The following NXPE1 variants were observed in gnomAD, a reference collection of about 807,000 sequenced individuals.
NXPE1 encodes the protein neurexophilin and PC-esterase domain family member 1.
A neutral mutation model predicts 33.3 loss-of-function variants in NXPE1; 31 were observed. The observed-to-expected ratio is 0.93, with a 90% confidence interval of 0.70 to 1.26. The LOEUF is 1.26. NXPE1 is among the 50% of genes most tolerant of loss of function. NXPE1 has a pLI of 0.00. For synonymous variants in NXPE1, 229 were observed against 231.4 expected (o/e 0.99, Z 0.09); for missense variants, 661 against 655.6 (o/e 1.01, Z -0.09).
intron 5 of NXPE1, among the ~76,000 whole-genome samples, chr11:114,539,977 A>G (rs536423268): frequency 6.6e-6 from 1 of 152,356 alleles, no homozygotes; most frequent in Non-Finnish European, 1.5e-5. Context: ...GAATATTGTA[A>G]CTAAAAGTTC....
intron 5 of NXPE1, among the ~76,000 whole-genome samples, chr11:114,544,695 A>G (rs755707026): frequency 2.8e-4 from 42 of 152,178 alleles, no homozygotes; most frequent in Admixed American, 7.9e-4. Context: ...TAAAAAGCAC[A>G]ATCCATGAAA....
intron 5 of NXPE1, among the ~76,000 whole-genome samples, chr11:114,533,850 C>T (rs1323371279): frequency 6.6e-6 from 1 of 152,240 alleles, no homozygotes; most frequent in Non-Finnish European, 1.5e-5. Context: ...TTAGGCTCCA[C>T]CTCTGGGGGC....
chr11:114,536,668 A>T (rs1947838622), intron 5 of NXPE1, among the ~76,000 whole-genome samples: 1 of 152,242 alleles, frequency 6.6e-6, no homozygotes, highest in Non-Finnish European at 1.5e-5. Flanking sequence ...ATGCAAATAA[A>T]CTAGAAAATC....
exon 6 of NXPE1, chr11:114,530,294 G>A: frequency 6.2e-7 from 1 of 1,614,220 alleles, no homozygotes; most frequent in Non-Finnish European, 8.5e-7. Flanking sequence ...AGGCTTCTTG[G>A]TCTCTGTCAT....
chr11:114,542,090 T>C (rs1202368691), intron 5 of NXPE1, among the ~76,000 whole-genome samples: 2 of 152,204 alleles, frequency 1.3e-5, no homozygotes, highest in Non-Finnish European at 2.9e-5. Context: ...TTTGCTAGGG[T>C]CATTCACATT....
chr11:114,544,033 A>G (rs1293754379), intron 5 of NXPE1, among the ~76,000 whole-genome samples: 1 of 152,238 alleles, frequency 6.6e-6, no homozygotes, highest in East Asian at 1.9e-4. Context: ...CAAAATATAT[A>G]CAGGATCTGT....
chr11:114,550,646 T>C (rs1948448308), intron 5 of NXPE1, among the ~76,000 whole-genome samples: 1 of 152,170 alleles, frequency 6.6e-6, no homozygotes, highest in Admixed American at 6.5e-5. Context: ...TGAATACCTG[T>C]ATAATCTTTG....
chr11:114,520,555 G>A (rs906295219), downstream of NXPE1, among the ~76,000 whole-genome samples: 2 of 152,146 alleles, frequency 1.3e-5, no homozygotes, highest in African/African-American at 4.8e-5. Context: ...TGGCTATTGT[G>A]AATAATGCTG....
At chr11:114,538,522 C>T (rs1455373905) in intron 5 of NXPE1, among the ~76,000 whole-genome samples, 2 of 152,122 alleles carry the variant, frequency 1.3e-5, no homozygotes, top group African/African-American at 4.8e-5. Flanking sequence ...ATTTTTGCAA[C>T]CTACTCATCT....
chr11:114,522,241 A>C, exon 9 of NXPE1: 3 of 1,614,114 alleles, frequency 1.9e-6, no homozygotes, highest in Non-Finnish European at 2.5e-6. Context: ...TAGCCTTTTG[A>C]ACACCGATGG....
At chr11:114,551,252 T>A in intron 4 of NXPE1, 41 bp from the exon 5 acceptor site, 2 of 1,378,090 alleles carry the variant, frequency 1.5e-6, no homozygotes, top group Admixed American at 2.0e-5. Flanking sequence ...GAGAAGTGAA[T>A]CTCTCTGTAC....
intron 6 of NXPE1, chr11:114,529,199 T>TG (rs1390992839): frequency 5.8e-6 from 1 of 173,630 alleles, no homozygotes; most frequent in Non-Finnish European, 1.2e-5. Context: ...TAAATCTTCG[T>TG]GGGGGAAAAT....
chr11:114,545,691 CTTTT>C (rs202218807), intron 5 of NXPE1, among the ~76,000 whole-genome samples: 1 of 138,792 alleles, frequency 7.2e-6, no homozygotes, highest in African/African-American at 2.6e-5. Flanking sequence ...AAGAGTGGAT[CTTTT>C]TTTTTTTTTT....
At chr11:114,521,373 A>T (rs182173127), downstream of NXPE1, among the ~76,000 whole-genome samples, 25 of 152,278 alleles carry the variant, frequency 1.6e-4, no homozygotes, top group Admixed American at 4.6e-4. Flanking sequence ...AAACTAATCT[A>T]TCTATGGCCA....
chr11:114,527,380 T>C (rs900484048), intron 7 of NXPE1: 1 of 153,062 alleles, frequency 6.5e-6, no homozygotes, highest in Admixed American at 6.5e-5. Context: ...TAAGGTAGTA[T>C]AAATATTCTT....
exon 6 of NXPE1, chr11:114,530,259 A>G: frequency 1.2e-6 from 2 of 1,613,992 alleles, no homozygotes; most frequent in Non-Finnish European, 8.5e-7. Flanking sequence ...CTCACAGGGC[A>G]TGTGTTGAGG....
intron 5 of NXPE1, among the ~76,000 whole-genome samples, chr11:114,532,998 C>A (rs770221651): frequency 1.3e-5 from 2 of 152,030 alleles, no homozygotes; most frequent in Non-Finnish European, 2.9e-5. Context: ...TAATAGGAAA[C>A]CTTAAACATT....
chr11:114,530,057 GT>G, intron 6 of NXPE1, 117 bp downstream of exon 6: 1 of 1,081,540 alleles, frequency 9.2e-7, no homozygotes, highest in South Asian at 1.6e-5. Flanking sequence ...GACACCACAT[GT>G]CTTACCTTGA....
chr11:114,530,958 T>C, intron 5 of NXPE1, 50 bp from the exon 6 acceptor site: 1 of 1,480,672 alleles, frequency 6.8e-7, no homozygotes, highest in Non-Finnish European at 9.0e-7. Flanking sequence ...TGTCTAATCA[T>C]TTTTACTTAT....
Sources: allele counts gnomAD v4.1 joint callset (sites outside exome capture counted in the v4.1 genomes callset), GRCh38; gene constraint gnomAD v4.1.1; transcripts MANE v1.5; gene names NCBI Gene and HGNC (gene_info 2026-07-23, HGNC 2026-07-21).